Variants in SV2C observed in about 807,000 individuals in gnomAD.
SV2C encodes the protein synaptic vesicle glycoprotein 2C.
Under a neutral mutation model 79.7 loss-of-function variants are expected in SV2C, and 49 were observed. The observed-to-expected ratio is 0.61, with a 90% CI of 0.49 to 0.78. SV2C has a LOEUF of 0.78. SV2C is among the 30% of genes least tolerant of loss of function. The probability of loss-of-function intolerance (pLI) is 0.00; values close to 1 mark genes in which losing one functional copy is unlikely to be tolerated. For synonymous variants in SV2C, 334 were observed against 333.2 expected, an observed-to-expected ratio of 1.00 and a Z score of -0.03; for missense variants, 833 against 912.9, an observed-to-expected ratio of 0.91 and a Z score of 1.13.
At chr5:75,914,021 A>T in the SV2C span, among the ~76,000 whole-genome samples, 2 of 152,154 alleles carry the variant, frequency 1.3e-5, no homozygotes, top group Non-Finnish European at 2.9e-5. Flanking sequence ...ATGTACATTT[A>T]TTCACCCATT....
intron 2 of SV2C, among the ~76,000 whole-genome samples, chr5:76,138,806 A>G (rs1412699979): frequency 6.6e-6 from 1 of 152,214 alleles, no homozygotes; most frequent in East Asian, 1.9e-4. Flanking sequence ...TCAAGATATG[A>G]ACATATCTAA....
chr5:76,147,535 G>A (rs1286386827), intron 2 of SV2C, among the ~76,000 whole-genome samples: 7 of 152,162 alleles, frequency 4.6e-5, no homozygotes, highest in African/African-American at 1.4e-4. Flanking sequence ...TTGCCACAAC[G>A]GCCTCTCCTC....
chr5:76,077,511 G>A, the SV2C span, among the ~76,000 whole-genome samples: 1 of 152,184 alleles, frequency 6.6e-6, no homozygotes, highest in Non-Finnish European at 1.5e-5. Context: ...AGACAGGGGT[G>A]TCTATGGAAA....
At position 76,298,801 on chromosome 5, in the gene SV2C, G is replaced by A. The variant is rs1256351664; in HGVS notation, c.1510G>A (p.Gly504Arg). 6.2e-7 allele frequency: 1 copy of A among 1,613,710 alleles called. No individual in the cohort carries two copies. Among genetic ancestry groups the A allele is most frequent in the African/African-American group, 1.3e-5 (1 of 75,030 alleles). Residue 504 changes from glycine to arginine, a missense_variant, in exon 10 of 13, where the codon GGG (glycine) becomes AGG (arginine). By Grantham distance (125) the Gly-to-Arg change is moderately radical (BLOSUM62 -2). Coordinates refer to ENST00000502798, the MANE Select transcript of SV2C (RefSeq NM_014979.4). ...GMEYDNGRFIGVKFKSVTFKD... is the reference protein window; with the variant it reads ...GMEYDNGRFIRVKFKSVTFKD... ...TTTCTGTGTGTTGGGCAGATTCATA[G>A]GGGTCAAGTTCAAATCTGTAACTTT...
chr5:75,870,186 G>A, the SV2C span, among the ~76,000 whole-genome samples: 1 of 152,074 alleles, frequency 6.6e-6, no homozygotes, highest in Admixed American at 6.5e-5. Flanking sequence ...CAATTCTAGA[G>A]AAACAAAGAC....
chr5:76,342,896 T>C (rs1302766648), intron 12 of SV2C, among the ~76,000 whole-genome samples: 1 of 151,990 alleles, frequency 6.6e-6, no homozygotes, highest in South Asian at 2.1e-4. Flanking sequence ...CTTTTTTTTT[T>C]TTTTTTGATA....
chr5:75,930,614 C>A, the SV2C span, among the ~76,000 whole-genome samples: 1 of 152,038 alleles, frequency 6.6e-6, no homozygotes, highest in African/African-American at 2.4e-5. Context: ...TGTTCACTGA[C>A]CTTTATGAAA....
At chr5:75,982,247 A>G in the SV2C span, among the ~76,000 whole-genome samples, 1 of 152,106 alleles carries the variant, frequency 6.6e-6, no homozygotes. Context: ...AGAAAAAAAA[A>G]AAGAATTTAA....
At chr5:75,924,065 T>C in the SV2C span, among the ~76,000 whole-genome samples, 2,306 of 152,260 alleles carry the variant, frequency 0.015, 56 homozygotes, top group African/African-American at 0.053. Flanking sequence ...CACCATAGAA[T>C]ACTACTCAGC....
chr5:76,013,505 G>A, the SV2C span, among the ~76,000 whole-genome samples: 1 of 152,152 alleles, frequency 6.6e-6, no homozygotes, highest in South Asian at 2.1e-4. Flanking sequence ...GGAGATTTTG[G>A]GCTGAGAAGA....
At chr5:76,281,346 CTTTG>C (rs1380565733) in intron 4 of SV2C, 1 of 331,150 alleles carries the variant, frequency 3.0e-6, no homozygotes, top group Admixed American at 4.2e-5. Context: ...TTAAAATTTA[CTTTG>C]TTTATTGTCT....
In SV2C at chr5:76,326,012, G is replaced by A. The variant is rs928495570; in HGVS notation, c.*465G>A. 1.4e-5 allele frequency: 2 copies of A among 147,152 alleles called. No homozygotes were observed. Among genetic ancestry groups the A allele is most frequent in the Admixed American group, 1.4e-4 (2 of 14,474 alleles). The allele number at this position is 147,152 out of a possible 1,614,324, so 9.1% of individuals were successfully genotyped here. A position where few individuals can be genotyped will look rare whatever the true frequency, so the allele number is the denominator to read the frequency against. ...TTTTTCTAACAGAGTGATATTTCCT[G>A]TTTACTTAGAAAAGGACACCCAGTA... On this transcript the variant is annotated 3_prime_UTR_variant, in exon 13 of 13. Coordinates refer to ENST00000502798, the MANE Select transcript of SV2C (RefSeq NM_014979.4).
intron 1 of SV2C, among the ~76,000 whole-genome samples, chr5:76,094,418 A>T (rs1747478840): frequency 6.6e-6 from 1 of 152,164 alleles, no homozygotes; most frequent in Non-Finnish European, 1.5e-5. Context: ...ATCATACAGT[A>T]TGTACTCTTG....
chr5:75,867,044 A>G, the SV2C span, among the ~76,000 whole-genome samples: 2 of 152,212 alleles, frequency 1.3e-5, no homozygotes, highest in South Asian at 4.1e-4. Context: ...GGGCAGCCAC[A>G]GTGGGAAAAA....
At chr5:75,938,494 G>A in the SV2C span, among the ~76,000 whole-genome samples, 3 of 152,208 alleles carry the variant, frequency 2.0e-5, no homozygotes, top group South Asian at 4.2e-4. Flanking sequence ...ACGACTACAC[G>A]GAATAATATG....
chr5:76,019,469 C>G, the SV2C span, among the ~76,000 whole-genome samples: 1 of 152,092 alleles, frequency 6.6e-6, no homozygotes, highest in African/African-American at 2.4e-5. Flanking sequence ...TATTTTAGTA[C>G]GTTCAGTGAA....
At chr5:75,986,090 G>A in the SV2C span, among the ~76,000 whole-genome samples, 1 of 147,040 alleles carries the variant, frequency 6.8e-6, no homozygotes, top group Non-Finnish European at 1.5e-5. Flanking sequence ...AGTCGGTTGT[G>A]GTAGGCCATT....
chr5:76,312,037 G>A (rs1748459980), intron 12 of SV2C, among the ~76,000 whole-genome samples: 1 of 152,070 alleles, frequency 6.6e-6, no homozygotes, highest in Non-Finnish European at 1.5e-5. Context: ...CATCCATCAG[G>A]GTCCCTACTT....
the SV2C span, among the ~76,000 whole-genome samples, chr5:75,976,503 A>C: frequency 0.042 from 6,417 of 151,992 alleles, 430 homozygotes; most frequent in African/African-American, 0.14. Context: ...CTGCATAACA[A>C]TAACAGGCTT....
Sources: gnomAD v4.1 joint callset for allele counts (sites outside exome capture counted in the v4.1 genomes callset) on GRCh38, gnomAD v4.1.1 for gene constraint, MANE v1.5 for transcripts, NCBI Gene and HGNC (gene_info 2026-07-23, HGNC 2026-07-21) for gene names.